Variants in COL5A2 observed in about 807,000 individuals in gnomAD.
COL5A2 encodes the protein collagen alpha-2(V) chain.
COL5A2 carries 23 observed loss-of-function variants against 208.2 expected under a neutral mutation model. The ratio of observed to expected loss-of-function variants is 0.11; its 90% CI spans 0.08 to 0.16. The LOEUF is 0.16. Among genes scored for constraint, COL5A2 ranks in the 10% least tolerant of loss-of-function variants. COL5A2 has a pLI of 1.00. For missense variants in COL5A2, 1,590 were observed against 1,956.4 expected, an observed-to-expected ratio of 0.81 and a Z score of 3.53; for synonymous variants, 625 against 628.5, an observed-to-expected ratio of 0.99 and a Z score of 0.08.
At chr2:189,225,006 A>G (rs1431787812) in intron 1 of COL5A2, among the ~76,000 whole-genome samples, 8 of 152,174 alleles carry the variant, frequency 5.3e-5, no homozygotes, top group Non-Finnish European at 1.2e-4. Context: ...AATCAACTGC[A>G]ATGCATATCA....
chr2:189,077,374 C>T (rs1054020368), intron 16 of COL5A2, among the ~76,000 whole-genome samples: 1 of 152,096 alleles, frequency 6.6e-6, no homozygotes, highest in Non-Finnish European at 1.5e-5. Flanking sequence ...ATCAAAAAAA[C>T]AGAATACAAA....
chr2:189,345,438 A>G, the COL5A2 span, among the ~76,000 whole-genome samples: 1 of 152,178 alleles, frequency 6.6e-6, no homozygotes, highest in Non-Finnish European at 1.5e-5. Flanking sequence ...CTAAAATAGG[A>G]TCATGTGGGG....
chr2:189,407,084 G>C, the COL5A2 span, among the ~76,000 whole-genome samples: 17 of 152,030 alleles, frequency 1.1e-4, no homozygotes, highest in Non-Finnish European at 1.9e-4. Context: ...TGCATATGAA[G>C]ATTTGTTAGT....
In COL5A2 at chr2:189,162,757, C is replaced by G. The variant is rs542912401; in HGVS notation, c.97+16751G>C. 8.5e-5 allele frequency among the ~76,000 whole-genome samples: 13 copies of G among 152,186 alleles called. No individual in the cohort carries two copies. In the East Asian group the frequency reaches 1.7e-3, roughly 20 times the overall value. Reference sequence around the variant, plus strand: ...TACTTGTAAAGATGTAAAAAAGAGGCTTGTTTTCTGCCCAGAATCCCTGGG... The same window carrying G: ...TACTTGTAAAGATGTAAAAAAGAGGGTTGTTTTCTGCCCAGAATCCCTGGG... On this transcript the variant is annotated intron_variant, in intron 1 of 53. Transcript: ENST00000374866.
chr2:189,147,533 C>G (rs1301616747), intron 1 of COL5A2, among the ~76,000 whole-genome samples: 1 of 152,120 alleles, frequency 6.6e-6, no homozygotes, highest in Non-Finnish European at 1.5e-5. Context: ...TGCTTGAATA[C>G]TTGTATGACT....
chr2:189,241,282 A>T, the COL5A2 span, among the ~76,000 whole-genome samples: 1 of 152,148 alleles, frequency 6.6e-6, no homozygotes, highest in Non-Finnish European at 1.5e-5. Flanking sequence ...ATTGGGTACA[A>T]CATTCACTAT....
At chr2:189,429,484 A>T in the COL5A2 span, among the ~76,000 whole-genome samples, 1 of 152,212 alleles carries the variant, frequency 6.6e-6, no homozygotes, top group African/African-American at 2.4e-5. Flanking sequence ...AGATTTTAAA[A>T]GTATAACTTC....
intron 1 of COL5A2, among the ~76,000 whole-genome samples, chr2:189,223,792 G>A (rs1689377539): frequency 6.6e-6 from 1 of 152,054 alleles, no homozygotes; most frequent in Admixed American, 6.6e-5. Flanking sequence ...AGGGATAGAT[G>A]GTACTGATTG....
At chr2:189,286,450 G>A in the COL5A2 span, among the ~76,000 whole-genome samples, 2 of 152,176 alleles carry the variant, frequency 1.3e-5, no homozygotes. Context: ...TAGCTAAAGG[G>A]ATGGGGATTC....
chr2:189,395,737 C>G, the COL5A2 span, among the ~76,000 whole-genome samples: 1 of 150,610 alleles, frequency 6.6e-6, no homozygotes, highest in Non-Finnish European at 1.5e-5. Flanking sequence ...AACCCCGTCT[C>G]TATTAAAAAT....
At chr2:189,261,510 G>C in the COL5A2 span, among the ~76,000 whole-genome samples, 1 of 152,132 alleles carries the variant, frequency 6.6e-6, no homozygotes, top group Non-Finnish European at 1.5e-5. Flanking sequence ...AGTTGGTCAG[G>C]AAAAATGTGA....
chr2:189,195,718 G>C (rs765200067), intron 1 of COL5A2, among the ~76,000 whole-genome samples: 1 of 152,140 alleles, frequency 6.6e-6, no homozygotes, highest in African/African-American at 2.4e-5. Context: ...ATGGGGGAAG[G>C]ATTGCCTATT....
At chr2:189,103,319 C>T (rs970281472) in intron 3 of COL5A2, among the ~76,000 whole-genome samples, 2 of 152,046 alleles carry the variant, frequency 1.3e-5, no homozygotes, top group African/African-American at 4.8e-5. Flanking sequence ...ATATTGCCCT[C>T]TGAATCAAAA....
chr2:189,073,254 T>C (rs1299806235), intron 17 of COL5A2, among the ~76,000 whole-genome samples: 4 of 152,212 alleles, frequency 2.6e-5, no homozygotes, highest in East Asian at 1.9e-4. Flanking sequence ...ATTTACCTTG[T>C]AGAGCTTGAC....
At chr2:189,314,158 A>C in the COL5A2 span, among the ~76,000 whole-genome samples, 2 of 152,214 alleles carry the variant, frequency 1.3e-5, no homozygotes, top group Non-Finnish European at 2.9e-5. Flanking sequence ...TCATTACTAC[A>C]TGGCACTTAC....
the COL5A2 span, among the ~76,000 whole-genome samples, chr2:189,353,695 G>C: frequency 1.3e-5 from 2 of 152,128 alleles, no homozygotes; most frequent in African/African-American, 2.4e-5. Flanking sequence ...TGGGCTGAGA[G>C]GATGGGGTTT....
chr2:189,155,644 T>C (rs942493833), intron 1 of COL5A2, among the ~76,000 whole-genome samples: 1 of 152,244 alleles, frequency 6.6e-6, no homozygotes, highest in Non-Finnish European at 1.5e-5. Flanking sequence ...AATTCCTTTA[T>C]GGCACTTATT....
chr2:189,394,433 A>C, the COL5A2 span, among the ~76,000 whole-genome samples: 9 of 152,190 alleles, frequency 5.9e-5, no homozygotes, highest in African/African-American at 2.2e-4. Flanking sequence ...TTAGGTCATG[A>C]GAGTTACCTT....
At chr2:189,114,318 T>C (rs1436225076) in intron 1 of COL5A2, among the ~76,000 whole-genome samples, 4 of 152,230 alleles carry the variant, frequency 2.6e-5, no homozygotes, top group African/African-American at 9.6e-5. Context: ...ATACAGGGTG[T>C]CTTGCAGTTT....
Sources: gnomAD v4.1 joint callset for allele counts (sites outside exome capture counted in the v4.1 genomes callset) on GRCh38, gnomAD v4.1.1 for gene constraint, MANE v1.5 for transcripts, NCBI Gene and HGNC (gene_info 2026-07-23, HGNC 2026-07-21) for gene names.